EPHA5: variants seen among roughly 807,000 people sequenced by gnomAD.
EPHA5 encodes ephrin type-A receptor 5.
In EPHA5, 60 loss-of-function variants were observed where a neutral mutation model predicts 105.0. The ratio of observed to expected loss-of-function variants is 0.57; its 90% CI spans 0.46 to 0.71. The LOEUF is 0.71. Among genes scored for constraint, EPHA5 ranks in the 30% least tolerant of loss-of-function variants. The probability of loss-of-function intolerance (pLI) is 0.00; values close to 1 mark genes in which losing one functional copy is unlikely to be tolerated. For missense variants in EPHA5, 1,218 were observed against 1,274.7 expected (o/e 0.96, Z 0.68); for synonymous variants, 513 against 449.1 (o/e 1.14, Z -1.80).
rs74326931 is a variant in EPHA5 at position 65,572,223 on chromosome 4, A to G, written c.910+29418T>C. Among the ~76,000 whole-genome samples the G allele has an allele frequency of 3.0e-3, 462 of 152,308 alleles. 2 individuals carry two copies. The highest frequency in any genetic ancestry group is 0.01 in the African/African-American group (419 of 41,580). On this transcript the variant is annotated intron_variant, in intron 3 of 16. Transcript: ENST00000613740. ...CATTAGCTTAATTATTATCTCCTAT[A>G]GAACTCTGAGGAAAATAAATTATTA...
At chr4:65,526,743 A>T (rs780962637) in intron 3 of EPHA5, among the ~76,000 whole-genome samples, 1 of 151,958 alleles carries the variant, frequency 6.6e-6, no homozygotes, top group African/African-American at 2.4e-5. Flanking sequence ...TGTAGATTAT[A>T]TCACTCATAT....
At chr4:65,503,192 G>T (rs1732664823) in intron 3 of EPHA5, among the ~76,000 whole-genome samples, 1 of 151,700 alleles carries the variant, frequency 6.6e-6, no homozygotes, top group South Asian at 2.1e-4. Context: ...TGAGTGATGG[G>T]ATCATGGTAT....
chr4:65,647,054 C>T (rs1748168726), intron 1 of EPHA5, among the ~76,000 whole-genome samples: 1 of 151,992 alleles, frequency 6.6e-6, no homozygotes, highest in African/African-American at 2.4e-5. Flanking sequence ...GTTTGCCAGG[C>T]ATGGTGGCTC....
intron 7 of EPHA5, among the ~76,000 whole-genome samples, chr4:65,410,944 C>T (rs1475322817): frequency 6.6e-6 from 1 of 152,018 alleles, no homozygotes; most frequent in African/African-American, 2.4e-5. Flanking sequence ...AGTCTCAAAG[C>T]TTCAAGATAA....
At chr4:65,351,218 C>A (rs1577888329) in intron 13 of EPHA5, among the ~76,000 whole-genome samples, 171 bp downstream of exon 13, 1 of 152,018 alleles carries the variant, frequency 6.6e-6, no homozygotes, top group Admixed American at 6.6e-5. Context: ...TTTGCTGATA[C>A]ATAAAAGGAA....
At chr4:65,352,397 T>G (rs1722899180) in intron 12 of EPHA5, among the ~76,000 whole-genome samples, 1 of 152,024 alleles carries the variant, frequency 6.6e-6, no homozygotes, top group African/African-American at 2.4e-5. Context: ...CCTATATGTT[T>G]AATCAGGCCT....
chr4:65,454,799 T>G (rs1201442635), intron 5 of EPHA5, among the ~76,000 whole-genome samples: 2 of 152,322 alleles, frequency 1.3e-5, no homozygotes, highest in East Asian at 3.9e-4. Flanking sequence ...ATTGCAAACT[T>G]TATCCTTTCT....
chr4:65,524,771 A>G (rs938193517), intron 3 of EPHA5, among the ~76,000 whole-genome samples: 3 of 151,796 alleles, frequency 2.0e-5, no homozygotes, highest in Non-Finnish European at 3.0e-5. Flanking sequence ...AGAAGTTTTT[A>G]GAGTACTGAC....
chr4:65,349,518 A>G (rs1722617204), intron 13 of EPHA5, among the ~76,000 whole-genome samples: 1 of 152,126 alleles, frequency 6.6e-6, no homozygotes, highest in South Asian at 2.1e-4. Flanking sequence ...TTTTCTTGTA[A>G]AAAGACTAAC....
intron 5 of EPHA5, among the ~76,000 whole-genome samples, chr4:65,464,899 T>C (rs1319970773): frequency 6.6e-6 from 1 of 152,102 alleles, no homozygotes; most frequent in Non-Finnish European, 1.5e-5. Context: ...TAAATACCTA[T>C]TATATGTTAA....
chr4:65,340,035 C>T (rs1033051668), intron 14 of EPHA5, among the ~76,000 whole-genome samples: 1 of 152,142 alleles, frequency 6.6e-6, no homozygotes, highest in Non-Finnish European at 1.5e-5. Flanking sequence ...TAACAACTCA[C>T]TCTCCCTGGG....
In EPHA5 at chr4:65,320,098, A is replaced by G. The variant is rs1719517334; in HGVS notation, c.*4016T>C. The G allele has an allele frequency of 4.3e-6, 1 of 230,264 alleles. No homozygotes were observed. Among genetic ancestry groups the G allele is most frequent in the South Asian group, 1.8e-4 (1 of 5,516 alleles). The allele number at this position is 230,264 out of a possible 1,614,324, so 14.3% of individuals were successfully genotyped here. On this transcript the variant is annotated 3_prime_UTR_variant, in exon 17 of 17. Transcript: ENST00000613740. ...TCTTCTAAGCAATGATTATGTGGTC[A>G]TTCTGAACAAGAACATTCAATCATT...
At chr4:65,418,325 C>T (rs938950261) in intron 6 of EPHA5, among the ~76,000 whole-genome samples, 1 of 151,918 alleles carries the variant, frequency 6.6e-6, no homozygotes, top group Non-Finnish European at 1.5e-5. Context: ...TTTGATATAG[C>T]CTATGTTTAA....
At chr4:65,354,177 G>A (rs1723089831) in intron 11 of EPHA5, among the ~76,000 whole-genome samples, 1 of 151,770 alleles carries the variant, frequency 6.6e-6, no homozygotes, top group East Asian at 1.9e-4. Flanking sequence ...ACTTAAAATA[G>A]TTCCTATTAC....
chr4:65,327,738 T>A (rs1183664407), intron 16 of EPHA5, among the ~76,000 whole-genome samples: 2 of 151,292 alleles, frequency 1.3e-5, no homozygotes, highest in Non-Finnish European at 3.0e-5. Context: ...TATTTTTTAA[T>A]AACACTACAG....
At chr4:65,354,956 A>G (rs1439826857) in intron 11 of EPHA5, among the ~76,000 whole-genome samples, 1 of 151,820 alleles carries the variant, frequency 6.6e-6, no homozygotes, top group Admixed American at 6.6e-5. Flanking sequence ...CTCGTCCTCT[A>G]AAGTTTATAA....
At chr4:65,658,132 T>C (rs78967510) in intron 1 of EPHA5, among the ~76,000 whole-genome samples, 2,137 of 151,854 alleles carry the variant, frequency 0.014, 54 homozygotes, top group African/African-American at 0.047. Context: ...AGAATAAAAA[T>C]GGGCACACAA....
intron 2 of EPHA5, among the ~76,000 whole-genome samples, chr4:65,635,373 A>T (rs897153488): frequency 6.6e-6 from 1 of 152,182 alleles, no homozygotes; most frequent in Admixed American, 6.6e-5. Context: ...TAAGATCAGC[A>T]TTAGAAAAAA....
intron 8 of EPHA5, among the ~76,000 whole-genome samples, chr4:65,381,134 G>A (rs1719520980): frequency 6.6e-6 from 1 of 150,882 alleles, no homozygotes; most frequent in Non-Finnish European, 1.5e-5. Flanking sequence ...GACAGTCTTA[G>A]GGCAAAGAGT....
Sources: allele counts gnomAD v4.1 joint callset (sites outside exome capture counted in the v4.1 genomes callset), GRCh38; gene constraint gnomAD v4.1.1; transcripts MANE v1.5; gene names NCBI Gene and HGNC (gene_info 2026-07-23, HGNC 2026-07-21).